The following PTCHD4 variants were observed in gnomAD, a reference collection of about 807,000 sequenced individuals.
The protein encoded by PTCHD4 is patched domain containing 4.
PTCHD4 carries 33 observed loss-of-function variants against 58.1 expected under a neutral mutation model. The observed-to-expected ratio is 0.57, with a 90% CI of 0.43 to 0.76. PTCHD4 has a LOEUF of 0.76. Ranked by LOEUF, PTCHD4 falls within the 30% of genes least tolerant of loss-of-function variation. The pLI is 0.00. For missense variants in PTCHD4, 1,058 were observed against 1,027.1 expected (o/e 1.03, Z -0.41); for synonymous variants, 478 against 409.6 (o/e 1.17, Z -2.02).
intron 4 of PTCHD4, among the ~76,000 whole-genome samples, chr6:47,932,733 G>C (rs779162681): frequency 6.6e-6 from 1 of 152,234 alleles, no homozygotes; most frequent in Admixed American, 6.5e-5. Flanking sequence ...GTGTGGTACA[G>C]TGTGAGGGTC....
intron 4 of PTCHD4, among the ~76,000 whole-genome samples, chr6:47,889,914 G>T (rs989159579): frequency 6.6e-6 from 1 of 152,014 alleles, no homozygotes; most frequent in Non-Finnish European, 1.5e-5. Flanking sequence ...AGAGTGAACA[G>T]GCAGCCTATA....
chr6:47,954,695 G>A (rs1766787688), intron 4 of PTCHD4, among the ~76,000 whole-genome samples: 1 of 152,148 alleles, frequency 6.6e-6, no homozygotes, highest in Non-Finnish European at 1.5e-5. Flanking sequence ...TATTAGTGTA[G>A]TATACTGTAT....
rs1368121991 is a variant in PTCHD4, at chr6:47,875,718, T to A, written c.*2585A>T. Reference sequence around the variant, plus strand: ...CCTATCTAAACAGAGACTATCTGGATGGAGACATAATATTAGATCTGCCCT... The same window carrying A: ...CCTATCTAAACAGAGACTATCTGGAAGGAGACATAATATTAGATCTGCCCT... On this transcript the variant is annotated 3_prime_UTR_variant, in exon 5 of 5. Transcript: ENST00000339488. Among the ~76,000 whole-genome samples, 4 of 151,868 alleles carry A rather than the reference T, an allele frequency of 2.6e-5. No homozygotes were observed. The highest frequency in any genetic ancestry group is 6.6e-5 in the Admixed American group (1 of 15,196).
At chr6:48,009,188 G>A in intron 3 of PTCHD4, 74 bp from the exon 4 acceptor site, 1 of 1,444,618 alleles carries the variant, frequency 6.9e-7, no homozygotes, top group Non-Finnish European at 9.2e-7. Context: ...TCTAAGTGAA[G>A]GAGCACAAGG....
chr6:48,054,024 C>T (rs141247078), intron 3 of PTCHD4, among the ~76,000 whole-genome samples: 304 of 152,138 alleles, frequency 2.0e-3, no homozygotes, highest in African/African-American at 6.3e-3. Context: ...GATCTTTCTT[C>T]GGTTTCAGGT....
chr6:47,947,441 C>A (rs1288219371), intron 4 of PTCHD4, among the ~76,000 whole-genome samples: 1 of 151,232 alleles, frequency 6.6e-6, no homozygotes, highest in Admixed American at 6.6e-5. Context: ...CATTTTTTTT[C>A]TTCTTGAATT....
intron 1 of PTCHD4, among the ~76,000 whole-genome samples, chr6:48,105,996 A>G (rs1463462267): frequency 2.0e-5 from 3 of 152,202 alleles, no homozygotes; most frequent in African/African-American, 7.2e-5. Context: ...GACAAGATGG[A>G]TTCACAGCCA....
At chr6:47,934,262 T>A (rs1356927073) in intron 4 of PTCHD4, among the ~76,000 whole-genome samples, 1 of 152,138 alleles carries the variant, frequency 6.6e-6, no homozygotes, top group East Asian at 1.9e-4. Flanking sequence ...GGACTCTGGC[T>A]CTGAGAGAGT....
intron 4 of PTCHD4, among the ~76,000 whole-genome samples, chr6:47,888,635 G>T (rs1764273247): frequency 7.1e-6 from 1 of 141,332 alleles, no homozygotes; most frequent in Non-Finnish European, 1.6e-5. Flanking sequence ...GTAGTTTTTT[G>T]TTTGTTTGTT....
chr6:47,908,224 A>T (rs1405459335), intron 4 of PTCHD4, among the ~76,000 whole-genome samples: 1 of 152,052 alleles, frequency 6.6e-6, no homozygotes, highest in Non-Finnish European at 1.5e-5. Flanking sequence ...CTAAAAGAAA[A>T]CTAGGATCTA....
At chr6:47,949,912 G>T (rs765365300) in intron 4 of PTCHD4, among the ~76,000 whole-genome samples, 18 of 151,426 alleles carry the variant, frequency 1.2e-4, no homozygotes, top group Non-Finnish European at 2.2e-4. Context: ...TAAGTTTTAG[G>T]GTATATGTGC....
chr6:47,895,991 C>A (rs889981960), intron 4 of PTCHD4, among the ~76,000 whole-genome samples: 8 of 152,086 alleles, frequency 5.3e-5, no homozygotes, highest in African/African-American at 1.9e-4. Context: ...CAGTGTCATG[C>A]GGATAGTGGG....
intron 4 of PTCHD4, among the ~76,000 whole-genome samples, chr6:47,888,061 A>G (rs1764249983): frequency 1.3e-5 from 2 of 152,208 alleles, no homozygotes; most frequent in South Asian, 4.1e-4. Context: ...AGTCAGAGTA[A>G]AGAGCAGAGA....
chr6:48,040,118 G>A (rs763022464), intron 3 of PTCHD4, among the ~76,000 whole-genome samples: 24 of 152,104 alleles, frequency 1.6e-4, no homozygotes, highest in Non-Finnish European at 2.8e-4. Context: ...ACTTTATGAC[G>A]CTATGATTCT....
rs1020229611 is a variant in PTCHD4, at chr6:47,974,033, G to A, written c.898+34601C>T. ...CAATTTTGAAAGAGTAGGTGACGACGGGCAATACAATTAATTGGGCCCTTT... is the reference window on the plus strand; with the variant it reads ...CAATTTTGAAAGAGTAGGTGACGACAGGCAATACAATTAATTGGGCCCTTT... On this transcript the variant is annotated intron_variant, in intron 4 of 4. Transcript: ENST00000339488. Among the ~76,000 whole-genome samples, 11 of 152,180 alleles carry A rather than the reference G, an allele frequency of 7.2e-5. No individual in the cohort carries two copies. In the East Asian group the frequency reaches 9.7e-4, roughly 13 times the overall value.
intron 4 of PTCHD4, among the ~76,000 whole-genome samples, chr6:47,983,931 ATATT>A (rs1350569067): frequency 2.0e-5 from 3 of 152,194 alleles, no homozygotes; most frequent in African/African-American, 7.2e-5. Context: ...TACATATGTA[ATATT>A]TAAACAAAAA....
chr6:48,071,245 A>G (rs545306860), intron 1 of PTCHD4, among the ~76,000 whole-genome samples: 3 of 152,288 alleles, frequency 2.0e-5, no homozygotes, highest in Admixed American at 6.5e-5. Context: ...AATAAATTTA[A>G]TAGAATTAGG....
At chr6:48,065,692 G>A (rs1244809649) in intron 3 of PTCHD4, among the ~76,000 whole-genome samples, 6 of 152,142 alleles carry the variant, frequency 3.9e-5, no homozygotes, top group African/African-American at 1.4e-4. Context: ...TATTGCATGA[G>A]ATTGTGTTTG....
At chr6:47,957,058 G>C (rs1766892653) in intron 4 of PTCHD4, among the ~76,000 whole-genome samples, 1 of 151,574 alleles carries the variant, frequency 6.6e-6, no homozygotes, top group African/African-American at 2.4e-5. Flanking sequence ...CAGTTACTCA[G>C]GGAGGCTGAG....
Sources: allele counts gnomAD v4.1 joint callset (sites outside exome capture counted in the v4.1 genomes callset), GRCh38; gene constraint gnomAD v4.1.1; transcripts MANE v1.5; gene names NCBI Gene and HGNC (gene_info 2026-07-23, HGNC 2026-07-21).